Variants in SORCS3 observed in about 807,000 individuals in gnomAD.
SORCS3 encodes sortilin related VPS10 domain containing receptor 3, also known as VPS10 domain-containing receptor SorCS3.
A neutral mutation model predicts 146.3 loss-of-function variants in SORCS3; 57 were observed. The observed-to-expected ratio is 0.39, with a 90% confidence interval of 0.31 to 0.49. The LOEUF (loss-of-function observed/expected upper bound fraction) is 0.49. SORCS3 is among the 20% of genes least tolerant of loss of function. The pLI is 0.92. For synonymous variants in SORCS3, 653 were observed against 618.5 expected (o/e 1.06, Z -0.83); for missense variants, 1,341 against 1,575.5 (o/e 0.85, Z 2.52).
At chr10:104,748,199 A>G (rs898170627) in intron 1 of SORCS3, among the ~76,000 whole-genome samples, 2 of 152,196 alleles carry the variant, frequency 1.3e-5, no homozygotes, top group African/African-American at 2.4e-5. Context: ...GATCTGGATG[A>G]TATATTTTGA....
At chr10:104,888,797 T>C (rs773558853) in intron 2 of SORCS3, among the ~76,000 whole-genome samples, 1 of 152,234 alleles carries the variant, frequency 6.6e-6, no homozygotes, top group Non-Finnish European at 1.5e-5. Flanking sequence ...ACAGGTGTTA[T>C]AGCCTTTCAG....
chr10:104,833,953 A>G lies in SORCS3; in HGVS notation c.628-8839A>G, dbSNP rs115693707. Among the ~76,000 whole-genome samples, 1,030 of 152,274 alleles carry G rather than the reference A, an allele frequency of 6.8e-3. 9 individuals are homozygous for G. Among genetic ancestry groups the G allele is most frequent in the African/African-American group, 0.024 (986 of 41,556 alleles). On this transcript the variant is annotated intron_variant, in intron 1 of 26. Coordinates refer to ENST00000369701, the MANE Select transcript of SORCS3 (RefSeq NM_014978.3). Reference sequence around the variant, plus strand: ...ACAGTCCTCGTCTCATAAGACAGCAATTTCATGCTTCCAGTCACTTAGGCT... The same window carrying G: ...ACAGTCCTCGTCTCATAAGACAGCAGTTTCATGCTTCCAGTCACTTAGGCT...
intron 2 of SORCS3, among the ~76,000 whole-genome samples, chr10:104,889,983 T>G (rs1369477834): frequency 1.3e-5 from 2 of 152,200 alleles, no homozygotes; most frequent in African/African-American, 4.8e-5. Context: ...ATTTTTCCTT[T>G]CAGAACTTTA....
At chr10:104,789,530 C>T (rs1430573330) in intron 1 of SORCS3, among the ~76,000 whole-genome samples, 1 of 152,154 alleles carries the variant, frequency 6.6e-6, no homozygotes, top group Non-Finnish European at 1.5e-5. Flanking sequence ...TCTTGGAAAA[C>T]CCAAGTCAGG....
chr10:104,753,907 A>C (rs563525549), intron 1 of SORCS3, among the ~76,000 whole-genome samples: 2 of 152,338 alleles, frequency 1.3e-5, no homozygotes, highest in South Asian at 4.1e-4. Flanking sequence ...CCTCAAATGT[A>C]CTATTTATTT....
intron 25 of SORCS3, among the ~76,000 whole-genome samples, chr10:105,261,319 C>G (rs1165704913): frequency 6.6e-6 from 1 of 152,196 alleles, no homozygotes; most frequent in African/African-American, 2.4e-5. Context: ...CAGTGTGTTA[C>G]AGGCAGAGGG....
intron 6 of SORCS3, among the ~76,000 whole-genome samples, chr10:105,099,160 A>T (rs2055766497): frequency 6.6e-6 from 1 of 152,208 alleles, no homozygotes; most frequent in Non-Finnish European, 1.5e-5. Flanking sequence ...AAGAAAAAGG[A>T]TGCTGATGGA....
chr10:104,922,852 G>C (rs769966920), intron 3 of SORCS3, among the ~76,000 whole-genome samples: 2 of 152,212 alleles, frequency 1.3e-5, no homozygotes, highest in African/African-American at 2.4e-5. Flanking sequence ...ACACTTCGTA[G>C]ACTCTCTTGC....
Position 105,200,030 on chromosome 10 carries a change from T to C in SORCS3, c.2041T>C (p.Trp681Arg). The C allele has an allele frequency of 6.2e-7, 1 of 1,613,682 alleles. No individual in the cohort carries two copies. The highest frequency in any genetic ancestry group is 8.5e-7 in the Non-Finnish European group (1 of 1,179,694). ...VFGHFSLRSE[W>R]QLVKVDYKSI... ...TGGCCACTTCAGCCTCCGCTCCGAA[T>C]GGCAATTGGTGAAAGTGGACTACAA... Residue 681 changes from tryptophan to arginine, a missense_variant, in exon 15 of 27, where the codon TGG (tryptophan) becomes CGG (arginine). Transcript: ENST00000369701.
intron 3 of SORCS3, among the ~76,000 whole-genome samples, chr10:104,922,775 C>T (rs1428395861): frequency 7.6e-6 from 1 of 131,082 alleles, no homozygotes; most frequent in Non-Finnish European, 1.6e-5. Flanking sequence ...GTGGCATATT[C>T]AAGTGGTAAC....
At chr10:104,706,201 CTTTTTTTTTTTTTT>C (rs1162969172) in intron 1 of SORCS3, among the ~76,000 whole-genome samples, 2 of 85,870 alleles carry the variant, frequency 2.3e-5, no homozygotes, top group South Asian at 4.4e-4. Flanking sequence ...TTTTCTTCTT[CTTTTTTTTTTTTTT>C]TTTTTTTTTT....
At chr10:104,783,348 A>G (rs2017396391) in intron 1 of SORCS3, among the ~76,000 whole-genome samples, 1 of 152,180 alleles carries the variant, frequency 6.6e-6, no homozygotes, top group South Asian at 2.1e-4. Flanking sequence ...GTTACCCTGG[A>G]AGAAGTGTTT....
intron 20 of SORCS3, among the ~76,000 whole-genome samples, chr10:105,228,409 T>C (rs1037928675): frequency 6.6e-6 from 1 of 151,854 alleles, no homozygotes; most frequent in African/African-American, 2.4e-5. Flanking sequence ...GTTTCTTCTT[T>C]CTTTCTCTGT....
intron 7 of SORCS3, among the ~76,000 whole-genome samples, chr10:105,106,002 G>A (rs550719415): frequency 1.3e-5 from 2 of 152,090 alleles, no homozygotes; most frequent in African/African-American, 4.8e-5. Flanking sequence ...TCCCAGAACT[G>A]AGTCTTAGGA....
At chr10:104,944,550 C>T (rs111353708) in intron 3 of SORCS3, among the ~76,000 whole-genome samples, 2,116 of 152,188 alleles carry the variant, frequency 0.014, 55 homozygotes, top group African/African-American at 0.046. Context: ...GGGCAGAAGA[C>T]TTAACAGACA....
chr10:104,766,972 A>C (rs1306837348), intron 1 of SORCS3, among the ~76,000 whole-genome samples: 1 of 152,228 alleles, frequency 6.6e-6, no homozygotes, highest in East Asian at 1.9e-4. Flanking sequence ...CCAGTATTAT[A>C]GACAAGGTTC....
Position 104,721,189 on chromosome 10 carries a change from A to C in SORCS3, c.627+79235A>C, listed in dbSNP as rs531338855. Among the ~76,000 whole-genome samples, 5 of 152,266 alleles carry C rather than the reference A, an allele frequency of 3.3e-5. No homozygotes were observed. The South Asian group carries it at 1.0e-3, about 32-fold the overall frequency. On this transcript the variant is annotated intron_variant, in intron 1 of 26. Coordinates refer to ENST00000369701, the MANE Select transcript of SORCS3 (RefSeq NM_014978.3). ...GGAAGGGATCCAGTTTCAGCTTTCT[A>C]CATATGGCTAGCCAGTTTTCCCAGC...
chr10:104,713,362 C>T (rs2016441180), intron 1 of SORCS3, among the ~76,000 whole-genome samples: 1 of 152,194 alleles, frequency 6.6e-6, no homozygotes, highest in African/African-American at 2.4e-5. Flanking sequence ...AATCAGCTTT[C>T]ACCTTTTGTC....
chr10:105,132,052 G>T (rs1044716658), intron 7 of SORCS3, among the ~76,000 whole-genome samples: 1 of 152,104 alleles, frequency 6.6e-6, no homozygotes, highest in African/African-American at 2.4e-5. Context: ...CCTCCACATA[G>T]AGGTTTGGAA....
Sources: gnomAD v4.1 joint callset for allele counts (sites outside exome capture counted in the v4.1 genomes callset) on GRCh38, gnomAD v4.1.1 for gene constraint, MANE v1.5 for transcripts, NCBI Gene and HGNC (gene_info 2026-07-23, HGNC 2026-07-21) for gene names.